Variants in ACYP2 observed in about 807,000 individuals in gnomAD.
The protein encoded by ACYP2 is acylphosphatase 2, also known as acylphosphatase-2.
A neutral mutation model predicts 11.2 loss-of-function variants in ACYP2; 12 were observed. That is an observed-to-expected ratio of 1.08 (90% CI 0.69 to 1.74). The LOEUF (loss-of-function observed/expected upper bound fraction) is 1.74. ACYP2 is among the 40% of genes most tolerant of loss of function. The pLI is 0.00. For synonymous variants in ACYP2, 43 were observed against 32.2 expected, an observed-to-expected ratio of 1.33 and a Z score of -1.13; for missense variants, 134 against 101.9, an observed-to-expected ratio of 1.31 and a Z score of -1.35.
chr2:54,193,322 A>T (rs1295370093), intron 6 of ACYP2, among the ~76,000 whole-genome samples: 1 of 152,210 alleles, frequency 6.6e-6, no homozygotes, highest in African/African-American at 2.4e-5. Flanking sequence ...ATCTCATTTA[A>T]TTCTTAAAAC....
At chr2:54,016,218 G>C (rs572151571) in intron 2 of ACYP2, among the ~76,000 whole-genome samples, 1 of 152,044 alleles carries the variant, frequency 6.6e-6, no homozygotes, top group South Asian at 2.1e-4. Flanking sequence ...GCCTGGCTTA[G>C]CTCACAGTGC....
intron 6 of ACYP2, among the ~76,000 whole-genome samples, chr2:54,194,547 C>G (rs887948849): frequency 6.6e-6 from 1 of 151,878 alleles, no homozygotes; most frequent in African/African-American, 2.4e-5. Flanking sequence ...TCAGGAAGTC[C>G]ATAATGTTAT....
intron 2 of ACYP2, among the ~76,000 whole-genome samples, chr2:54,000,106 C>T (rs1186011868): frequency 6.6e-6 from 1 of 151,438 alleles, no homozygotes; most frequent in African/African-American, 2.4e-5. Context: ...TTTCTATATA[C>T]TTATTTCTAT....
chr2:54,147,980 G>A lies in ACYP2; in HGVS notation c.404+9232G>A, dbSNP rs540232312. Among the ~76,000 whole-genome samples the A allele has an allele frequency of 1.2e-3, 190 of 152,200 alleles. 1 individual carries two copies. The highest frequency in any genetic ancestry group is 4.2e-3 in the African/African-American group (174 of 41,516). ...TTTTCTCAGTAATAAGAAGTTTGGA[G>A]GCAGATGGTTACTGGCCTTAGTTCA... is the stretch of plus-strand genomic sequence containing the variant. On this transcript the variant is annotated intron_variant, in intron 6 of 6. Transcript: ENST00000607452.
chr2:53,972,848 C>A (rs1671239554), intron 1 of ACYP2, among the ~76,000 whole-genome samples: 1 of 152,132 alleles, frequency 6.6e-6, no homozygotes, highest in African/African-American at 2.4e-5. Flanking sequence ...AAGAACACAG[C>A]AGAAACAGCT....
At chr2:54,081,571 A>T (rs1189663019) in intron 4 of ACYP2, among the ~76,000 whole-genome samples, 4 of 152,216 alleles carry the variant, frequency 2.6e-5, no homozygotes, top group African/African-American at 9.6e-5. Flanking sequence ...AGGCTATACC[A>T]TCTAGGTTTG....
chr2:54,276,075 C>G (rs989836467), intron 6 of ACYP2, among the ~76,000 whole-genome samples: 1 of 152,100 alleles, frequency 6.6e-6, no homozygotes, highest in Non-Finnish European at 1.5e-5. Context: ...AAAGAGATTA[C>G]AATTATTACT....
intron 6 of ACYP2, among the ~76,000 whole-genome samples, chr2:54,302,183 A>G (rs1321711495): frequency 6.6e-6 from 1 of 152,164 alleles, no homozygotes; most frequent in Non-Finnish European, 1.5e-5. Context: ...CTAGTCTTGG[A>G]TTCCATGGTT....
chr2:54,303,011 T>C (rs921317227), intron 6 of ACYP2, among the ~76,000 whole-genome samples: 3 of 152,166 alleles, frequency 2.0e-5, no homozygotes, highest in African/African-American at 7.2e-5. Context: ...AGGGTTCTTG[T>C]GTGGAATAAA....
intron 6 of ACYP2, among the ~76,000 whole-genome samples, chr2:54,240,471 G>A (rs1407884519): frequency 6.6e-6 from 1 of 152,156 alleles, no homozygotes; most frequent in African/African-American, 2.4e-5. Flanking sequence ...CTACTTTAGA[G>A]GTGTTTCTTT....
chr2:54,210,987 A>G (rs1040505993), intron 6 of ACYP2, among the ~76,000 whole-genome samples: 2 of 152,072 alleles, frequency 1.3e-5, no homozygotes, highest in African/African-American at 2.4e-5. Context: ...GGTCTCTTTC[A>G]CCTCTCTGCT....
intron 6 of ACYP2, chr2:54,142,015 A>T (rs1274441586): frequency 2.5e-6 from 1 of 402,762 alleles, no homozygotes; most frequent in Non-Finnish European, 4.3e-6. Context: ...GTGTGTGTAT[A>T]TTTTGTTGTT....
intron 6 of ACYP2, among the ~76,000 whole-genome samples, chr2:54,188,563 T>G (rs149103078): frequency 1.3e-5 from 2 of 152,312 alleles, no homozygotes; most frequent in African/African-American, 4.8e-5. Flanking sequence ...TACTTCTAAA[T>G]ATTAACAAGG....
At chr2:54,124,845 G>C (rs912858855) in intron 4 of ACYP2, among the ~76,000 whole-genome samples, 2 of 152,138 alleles carry the variant, frequency 1.3e-5, no homozygotes, top group Non-Finnish European at 2.9e-5. Context: ...TGGGACTAGA[G>C]GCAAGTGCTA....
At chr2:54,247,585 T>A (rs992990567) in intron 6 of ACYP2, among the ~76,000 whole-genome samples, 2 of 152,234 alleles carry the variant, frequency 1.3e-5, no homozygotes, top group Non-Finnish European at 2.9e-5. Flanking sequence ...ATATTTATTA[T>A]ATTTAAATGG....
intron 4 of ACYP2, among the ~76,000 whole-genome samples, chr2:54,128,844 T>G (rs960962766): frequency 9.2e-5 from 14 of 152,258 alleles, no homozygotes; most frequent in African/African-American, 3.4e-4. Flanking sequence ...AGATTTCTTG[T>G]ATCTTTTGCC....
intron 6 of ACYP2, among the ~76,000 whole-genome samples, chr2:54,193,116 T>G (rs1407259948): frequency 6.6e-6 from 1 of 152,236 alleles, no homozygotes; most frequent in Non-Finnish European, 1.5e-5. Context: ...TACACTTGGT[T>G]CAAGTTGAAG....
chr2:54,260,727 A>G (rs1558651851), intron 6 of ACYP2, among the ~76,000 whole-genome samples: 2 of 152,152 alleles, frequency 1.3e-5, no homozygotes, highest in Non-Finnish European at 2.9e-5. Flanking sequence ...CATGAATCCA[A>G]GGTGGTCTCT....
chr2:54,104,727 C>G (rs541139553), intron 4 of ACYP2, among the ~76,000 whole-genome samples: 127 of 152,330 alleles, frequency 8.3e-4, no homozygotes, highest in Admixed American at 2.0e-3. Context: ...CCTGGCTAAA[C>G]AGTAGAACTA....
Sources: allele counts gnomAD v4.1 joint callset (sites outside exome capture counted in the v4.1 genomes callset), GRCh38; gene constraint gnomAD v4.1.1; transcripts MANE v1.5; gene names NCBI Gene and HGNC (gene_info 2026-07-23, HGNC 2026-07-21).